The following PDGFD variants were observed in gnomAD, a reference collection of about 807,000 sequenced individuals.
PDGFD encodes the protein platelet derived growth factor D.
Under a neutral mutation model 44.7 loss-of-function variants are expected in PDGFD, and 30 were observed. The observed-to-expected ratio is 0.67, with a 90% CI of 0.50 to 0.91. The LOEUF (loss-of-function observed/expected upper bound fraction) is 0.91. Among genes scored for constraint, PDGFD ranks in the 40% least tolerant of loss-of-function variants. PDGFD has a pLI of 0.00. For synonymous variants in PDGFD, 173 were observed against 168.4 expected, an observed-to-expected ratio of 1.03 and a Z score of -0.21; for missense variants, 445 against 457.8, an observed-to-expected ratio of 0.97 and a Z score of 0.25.
At chr11:104,056,875 G>T (rs1366307333) in intron 1 of PDGFD, among the ~76,000 whole-genome samples, 1 of 152,050 alleles carries the variant, frequency 6.6e-6, no homozygotes, top group Non-Finnish European at 1.5e-5. Flanking sequence ...CACACCTGTA[G>T]TCCCAGCACT....
chr11:103,918,282 G>A (rs1264483069), intron 6 of PDGFD, among the ~76,000 whole-genome samples: 1 of 152,174 alleles, frequency 6.6e-6, no homozygotes, highest in Admixed American at 6.5e-5. Flanking sequence ...GTTGGGGTTT[G>A]GACTCCCATA....
intron 1 of PDGFD, among the ~76,000 whole-genome samples, chr11:104,061,993 G>A (rs1009016721): frequency 6.6e-6 from 1 of 151,984 alleles, no homozygotes; most frequent in African/African-American, 2.4e-5. Flanking sequence ...GCATACTTTT[G>A]GCTTGTCTAT....
Position 104,087,021 on chromosome 11 carries a change from C to CTTTT in PDGFD, c.124+76779_124+76782dup, listed in dbSNP as rs528848924. On this transcript the variant is annotated intron_variant, in intron 1 of 6. Coordinates refer to ENST00000393158, the MANE Select transcript of PDGFD (RefSeq NM_025208.5). ...TCCCTCTTGTACCTAGGCTCTTAGT[C>CTTTT]TTTTTTTTTTTTTTTTTTTTTTTTT... is the stretch of plus-strand genomic sequence containing the variant. Among the ~76,000 whole-genome samples the CTTTT allele has an allele frequency of 4.0e-3, 415 of 103,164 alleles. 11 individuals carry two copies. The highest frequency in any genetic ancestry group is 0.01 in the African/African-American group (294 of 28,138). 67.7% of individuals were successfully genotyped at this position (103,164 alleles called of 152,430 possible). A position where few individuals can be genotyped will look rare whatever the true frequency, so the allele number is the denominator to read the frequency against.
At chr11:104,012,102 T>G (rs1029620609) in intron 1 of PDGFD, among the ~76,000 whole-genome samples, 1 of 152,154 alleles carries the variant, frequency 6.6e-6, no homozygotes, top group Non-Finnish European at 1.5e-5. Flanking sequence ...TATCAAAAGT[T>G]GGAGGCTTTC....
chr11:104,093,110 T>C (rs982105587), intron 1 of PDGFD, among the ~76,000 whole-genome samples: 2 of 152,212 alleles, frequency 1.3e-5, no homozygotes, highest in African/African-American at 4.8e-5. Context: ...TGTTTTCAAC[T>C]AGCTGAAACC....
chr11:104,122,727 TTA>T (rs199698897), intron 1 of PDGFD, among the ~76,000 whole-genome samples: 32 of 112,716 alleles, frequency 2.8e-4, no homozygotes, highest in Admixed American at 5.1e-4. Context: ...CAATTTTTTT[TTA>T]AATTTTCTTC....
At chr11:104,008,714 G>T (rs1322623877) in intron 1 of PDGFD, among the ~76,000 whole-genome samples, 2 of 151,920 alleles carry the variant, frequency 1.3e-5, no homozygotes, top group African/African-American at 4.8e-5. Context: ...AGTTTCAAAG[G>T]AAAGTAAAAA....
At chr11:103,912,549 T>C (rs9665883) in intron 6 of PDGFD, among the ~76,000 whole-genome samples, 69,586 of 151,918 alleles carry the variant, frequency 0.46, 16,044 homozygotes, top group South Asian at 0.49. Context: ...AGACCATTGA[T>C]GCTATGAAGA....
At chr11:103,974,155 A>G (rs1859146638) in intron 3 of PDGFD, among the ~76,000 whole-genome samples, 1 of 152,198 alleles carries the variant, frequency 6.6e-6, no homozygotes, top group Non-Finnish European at 1.5e-5. Context: ...TTAAGGAGTT[A>G]GAGAGGCAAC....
chr11:103,995,053 A>AT (rs908287985), intron 3 of PDGFD, among the ~76,000 whole-genome samples: 5 of 151,360 alleles, frequency 3.3e-5, no homozygotes, highest in Admixed American at 6.6e-5. Flanking sequence ...AAATTTTTAA[A>AT]TTTTTTTTGT....
chr11:103,949,808 G>C (rs1858721935), intron 3 of PDGFD, among the ~76,000 whole-genome samples: 1 of 152,158 alleles, frequency 6.6e-6, no homozygotes, highest in African/African-American at 2.4e-5. Context: ...TGTACCTGGG[G>C]AGAAAGTGGG....
intron 3 of PDGFD, among the ~76,000 whole-genome samples, chr11:103,989,790 G>A (rs1859423792): frequency 6.6e-6 from 1 of 152,124 alleles, no homozygotes; most frequent in African/African-American, 2.4e-5. Flanking sequence ...TTCTAGTCAT[G>A]CATGTGTTTC....
At chr11:103,954,856 T>G (rs1019907894) in intron 3 of PDGFD, among the ~76,000 whole-genome samples, 9 of 152,090 alleles carry the variant, frequency 5.9e-5, no homozygotes, top group Non-Finnish European at 1.0e-4. Context: ...ACAAAGGGGT[T>G]TGTTAAGATT....
chr11:104,116,086 CT>C (rs1861633469), intron 1 of PDGFD, among the ~76,000 whole-genome samples: 1 of 151,950 alleles, frequency 6.6e-6, no homozygotes, highest in African/African-American at 2.4e-5. Context: ...CTTTTGGGTT[CT>C]TGGACATGAA....
intron 1 of PDGFD, among the ~76,000 whole-genome samples, chr11:104,004,433 A>G (rs1232442596): frequency 2.0e-5 from 3 of 152,196 alleles, no homozygotes; most frequent in African/African-American, 7.2e-5. Context: ...GGTGATTTCA[A>G]AATATAGAAG....
chr11:103,960,573 CT>C (rs1242782177), intron 3 of PDGFD, among the ~76,000 whole-genome samples: 168 of 152,200 alleles, frequency 1.1e-3, no homozygotes, highest in Non-Finnish European at 7.4e-5. Flanking sequence ...CAAAATTGAC[CT>C]TAAGAAATGT....
chr11:103,952,714 TGTATAA>T (rs1166594897), intron 3 of PDGFD, among the ~76,000 whole-genome samples: 1 of 152,122 alleles, frequency 6.6e-6, no homozygotes, highest in East Asian at 2.0e-4. Context: ...TATATATCAT[TGTATAA>T]TTATAAACAT....
chr11:103,967,295 A>G (rs1032233), intron 3 of PDGFD, among the ~76,000 whole-genome samples: 112,633 of 152,050 alleles, frequency 0.74, 42,952 homozygotes, highest in East Asian at 0.93. Flanking sequence ...CTGGGTTCCT[A>G]TATTTGTCTC....
At chr11:103,960,786 A>T (rs1299662360) in intron 3 of PDGFD, among the ~76,000 whole-genome samples, 1 of 152,140 alleles carries the variant, frequency 6.6e-6, no homozygotes, top group Non-Finnish European at 1.5e-5. Flanking sequence ...GAAGTCCAAG[A>T]CCGGAGTGCT....
Sources: allele counts gnomAD v4.1 joint callset (sites outside exome capture counted in the v4.1 genomes callset), GRCh38; gene constraint gnomAD v4.1.1; transcripts MANE v1.5; gene names NCBI Gene and HGNC (gene_info 2026-07-23, HGNC 2026-07-21).